Variants in ERAP1 observed in about 807,000 individuals in gnomAD.
ERAP1 encodes endoplasmic reticulum aminopeptidase 1.
Under a neutral mutation model 103.7 loss-of-function variants are expected in ERAP1, and 86 were observed. The ratio of observed to expected loss-of-function variants is 0.83; its 90% CI spans 0.70 to 0.99. The LOEUF (loss-of-function observed/expected upper bound fraction) is 0.99. Ranked by LOEUF, ERAP1 falls within the 50% of genes least tolerant of loss-of-function variation. The pLI is 0.00. For missense variants in ERAP1, 1,009 were observed against 1,128.4 expected (o/e 0.89, Z 1.52); for synonymous variants, 398 against 402.4 (o/e 0.99, Z 0.13).
chr5:96,777,265 C>T (rs11747179), intron 18 of ERAP1, among the ~76,000 whole-genome samples: 13,814 of 152,204 alleles, frequency 0.091, 830 homozygotes, highest in Middle Eastern at 0.16. Context: ...GACCATTGTG[C>T]GATTCTGTTT....
chr5:96,931,172 T>C, the ERAP1 span, among the ~76,000 whole-genome samples: 398 of 150,910 alleles, frequency 2.6e-3, 6 homozygotes, highest in Admixed American at 0.022. Flanking sequence ...TTTTTTTTTT[T>C]CCCAGACAGG....
At chr5:96,794,990 C>G in intron 5 of ERAP1, 52 bp downstream of exon 5, 1 of 1,605,948 alleles carries the variant, frequency 6.2e-7, no homozygotes, top group Non-Finnish European at 8.5e-7. Flanking sequence ...AATGACAAAT[C>G]TATGACTGTG....
At chr5:96,914,461 G>A in the ERAP1 span, among the ~76,000 whole-genome samples, 1 of 152,118 alleles carries the variant, frequency 6.6e-6, no homozygotes, top group South Asian at 2.1e-4. Context: ...GCTTTAATAT[G>A]TATGTTTGTG....
chr5:96,826,951 C>A, the ERAP1 span, among the ~76,000 whole-genome samples: 7 of 152,130 alleles, frequency 4.6e-5, no homozygotes, highest in African/African-American at 1.7e-4. Context: ...CAAGGAATAG[C>A]TATAAAAATA....
In ERAP1 at chr5:96,807,853, G is replaced by T. The variant is rs368237125; in HGVS notation, c.-18+7C>A. On this transcript the variant is annotated splice_region_variant and intron_variant, in intron 1 of 18. Transcript: ENST00000443439. ...AGTCCCCTACCCGCGGCTCGAGCGC[G>T]CTGTACCTGGGGTTCTGGGGCCGCC... 1 of 985,888 alleles carries T rather than the reference G, an allele frequency of 1.0e-6. No individual in the cohort carries two copies. The highest frequency in any genetic ancestry group is 4.7e-5 in the South Asian group (1 of 21,380). 61.1% of individuals were successfully genotyped at this position (985,888 alleles called of 1,614,324 possible).
chr5:96,803,489 T>C lies in ERAP1; in HGVS notation c.438A>G (p.Thr146=). Residue 146 remains threonine, a synonymous_variant, in exon 2 of 19, where the codon ACA becomes ACG. Coordinates refer to ENST00000443439, the MANE Select transcript of ERAP1 (RefSeq NM_001040458.3). ...GATTGCCAGCATAGTGAATGACAACTGTGTACGGGAGCCCGACAAGGAGGG... is the reference window on the plus strand; with the variant it reads ...GATTGCCAGCATAGTGAATGACAACCGTGTACGGGAGCCCGACAAGGAGGG... The part of the protein sequence containing the change: ...PEPLLVGLPY[T]VVIHYAGNLS... The C allele has an allele frequency of 6.2e-7, 1 of 1,613,310 alleles. No homozygotes were observed. Among genetic ancestry groups the C allele is most frequent in the African/African-American group, 1.3e-5 (1 of 74,904 alleles).
At position 96,783,798 on chromosome 5, in the gene ERAP1, C is replaced by T. The variant is rs931804911; in HGVS notation, c.2100+126G>A. On this transcript the variant is annotated intron_variant, in intron 14 of 18. Transcript: ENST00000443439. ...ACTGAACTAATATTTATTTGCTTTT[C>T]CTTAATATGTATATAAAGATACACA... The T allele has an allele frequency of 8.3e-4, 856 of 1,025,530 alleles. 4 individuals are homozygous for T. Among genetic ancestry groups the T allele is most frequent in the Middle Eastern group, 1.9e-3 (6 of 3,214 alleles). The allele number at this position is 1,025,530 out of a possible 1,614,324, so 63.5% of individuals were successfully genotyped here.
the ERAP1 span, among the ~76,000 whole-genome samples, chr5:96,826,622 T>C: frequency 3.9e-5 from 6 of 152,190 alleles, no homozygotes; most frequent in Non-Finnish European, 7.3e-5. Context: ...GTATGGTGTT[T>C]TTTAGACATG....
At chr5:96,828,858 A>AT in the ERAP1 span, among the ~76,000 whole-genome samples, 7 of 151,740 alleles carry the variant, frequency 4.6e-5, no homozygotes, top group African/African-American at 7.3e-5. Flanking sequence ...TTTTTTTATT[A>AT]TTTTTTTGAG....
At chr5:96,893,191 A>G in the ERAP1 span, among the ~76,000 whole-genome samples, 2 of 152,214 alleles carry the variant, frequency 1.3e-5, no homozygotes, top group South Asian at 2.1e-4. Context: ...AACTAGGTCT[A>G]TAGATATTGG....
chr5:96,847,083 C>CAAA, the ERAP1 span, among the ~76,000 whole-genome samples: 5 of 133,528 alleles, frequency 3.7e-5, no homozygotes, highest in Non-Finnish European at 7.9e-5. Context: ...TACTAAAATA[C>CAAA]AAAAAAAAAA....
At chr5:96,911,865 T>TTAAAAAAAAAA in the ERAP1 span, among the ~76,000 whole-genome samples, 1 of 28,408 alleles carries the variant, frequency 3.5e-5, no homozygotes, top group Non-Finnish European at 6.3e-5. Flanking sequence ...AGACCCTGTC[T>TTAAAAAAAAAA]CAAAAAAAAA....
the ERAP1 span, among the ~76,000 whole-genome samples, chr5:96,927,097 G>A: frequency 1.3e-4 from 20 of 152,234 alleles, no homozygotes; most frequent in East Asian, 3.9e-4. Context: ...GATTACAGGT[G>A]TGAGCCACCA....
At chr5:96,929,417 CCTT>C in the ERAP1 span, among the ~76,000 whole-genome samples, 1 of 151,972 alleles carries the variant, frequency 6.6e-6, no homozygotes, top group Non-Finnish European at 1.5e-5. Flanking sequence ...CTCCTTCCTT[CCTT>C]CTTTCCTTCC....
chr5:96,835,128 C>T, the ERAP1 span, among the ~76,000 whole-genome samples: 1 of 152,166 alleles, frequency 6.6e-6, no homozygotes. Context: ...AAGGTAACAC[C>T]ATGACACTGT....
At chr5:96,808,261 T>TGTGTGTGTGTGTGTGTGTGTGTGTGTGTG (rs1387638650), upstream of ERAP1, 1 of 837,656 alleles carries the variant, frequency 1.2e-6, no homozygotes, top group African/African-American at 2.2e-5. Flanking sequence ...TGTGTGTGTG[T>TGTGTGTGTGTGTGTGTGTGTGTGTGTGTG]TGAGATGCTT....
At chr5:96,816,130 G>A in the ERAP1 span, among the ~76,000 whole-genome samples, 1 of 152,178 alleles carries the variant, frequency 6.6e-6, no homozygotes, top group Non-Finnish European at 1.5e-5. Flanking sequence ...ATCAGTATCA[G>A]TTTTGGATCC....
chr5:96,784,410 C>T (rs534841617), intron 13 of ERAP1, among the ~76,000 whole-genome samples: 4 of 152,224 alleles, frequency 2.6e-5, no homozygotes, highest in East Asian at 3.9e-4. Flanking sequence ...CACTTGAACC[C>T]GGGAGGCAGA....
At chr5:96,857,537 C>T in the ERAP1 span, among the ~76,000 whole-genome samples, 2 of 151,972 alleles carry the variant, frequency 1.3e-5, no homozygotes, top group African/African-American at 2.4e-5. Flanking sequence ...CAAATGCAAC[C>T]ACATAAAGCA....
Sources: allele counts gnomAD v4.1 joint callset (sites outside exome capture counted in the v4.1 genomes callset), GRCh38; gene constraint gnomAD v4.1.1; transcripts MANE v1.5; gene names NCBI Gene and HGNC (gene_info 2026-07-23, HGNC 2026-07-21).